The following GRIA3 variants were observed in gnomAD, a reference collection of about 807,000 sequenced individuals.
The protein encoded by GRIA3 is glutamate receptor 3.
GRIA3 carries 3 observed loss-of-function variants against 63.0 expected under a neutral mutation model. That is an observed-to-expected ratio of 0.05 (90% confidence interval 0.02 to 0.12). GRIA3 has a LOEUF of 0.12. Ranked by LOEUF, GRIA3 falls within the 10% of genes least tolerant of loss-of-function variation. GRIA3 has a pLI of 1.00. For synonymous variants in GRIA3, 274 were observed against 257.9 expected, an observed-to-expected ratio of 1.06 and a Z score of -0.60; for missense variants, 347 against 700.9, an observed-to-expected ratio of 0.50 and a Z score of 5.70.
At chrX:123,299,354 C>G in intron 3 of GRIA3, among the ~76,000 whole-genome samples, 1 of 111,645 alleles carries the variant, frequency 9.0e-6, no homozygotes, top group Admixed American at 9.5e-5. Flanking sequence ...TTCTTCCTAT[C>G]CATGAGTATG....
At chrX:123,422,895 C>T (rs961820156) in intron 11 of GRIA3, among the ~76,000 whole-genome samples, 2 of 112,432 alleles carry the variant, frequency 1.8e-5, no homozygotes, top group African/African-American at 6.5e-5. Context: ...CCTTCTTGAA[C>T]TTGCTTTTGT....
intron 3 of GRIA3, among the ~76,000 whole-genome samples, chrX:123,267,607 A>G (rs1022349131): frequency 2.7e-5 from 3 of 112,157 alleles, no homozygotes; most frequent in African/African-American, 9.7e-5. Flanking sequence ...AAGAAGGAAA[A>G]CTGCTTCAAA....
chrX:123,203,287 T>C (rs1203554642), intron 2 of GRIA3, among the ~76,000 whole-genome samples: 4 of 111,678 alleles, frequency 3.6e-5, no homozygotes, highest in Non-Finnish European at 7.5e-5. Flanking sequence ...TCAATACATG[T>C]AAGGGAAGCA....
At chrX:123,318,905 G>A (rs2044850191) in intron 3 of GRIA3, among the ~76,000 whole-genome samples, 3 of 111,953 alleles carry the variant, frequency 2.7e-5, no homozygotes, top group Non-Finnish European at 3.8e-5. Context: ...ACAAAAAGAC[G>A]TTTAATATGG....
intron 5 of GRIA3, among the ~76,000 whole-genome samples, chrX:123,371,763 G>A (rs760987878): frequency 9.0e-6 from 1 of 111,110 alleles, no homozygotes; most frequent in South Asian, 3.8e-4. Context: ...TTCCTTATAT[G>A]TTCTGATTAT....
chrX:123,381,476 C>A (rs1323774296), intron 5 of GRIA3, among the ~76,000 whole-genome samples: 1 of 111,774 alleles, frequency 8.9e-6, no homozygotes, highest in Non-Finnish European at 1.9e-5. Flanking sequence ...TTATAAGTGT[C>A]ATAACCATAA....
intron 12 of GRIA3, among the ~76,000 whole-genome samples, chrX:123,461,531 C>T (rs1317731775): frequency 8.9e-6 from 1 of 111,904 alleles, no homozygotes; most frequent in Non-Finnish European, 1.9e-5. Flanking sequence ...ATTTCAGTGA[C>T]CAGTGAATAG....
chrX:123,313,519 C>T (rs956109718), intron 3 of GRIA3, among the ~76,000 whole-genome samples: 12 of 111,565 alleles, frequency 1.1e-4, no homozygotes, highest in Non-Finnish European at 1.3e-4. Context: ...AGACACTTTT[C>T]ATCTTTGGCA....
At chrX:123,428,260 C>A in intron 12 of GRIA3, 121 bp downstream of exon 12, 1 of 542,137 alleles carries the variant, frequency 1.8e-6, no homozygotes. Flanking sequence ...CAAAGGAGAG[C>A]ATCTTAAATA....
chrX:123,350,408 A>G (rs1171002296), intron 4 of GRIA3, among the ~76,000 whole-genome samples: 1 of 111,567 alleles, frequency 9.0e-6, no homozygotes, highest in Non-Finnish European at 1.9e-5. Flanking sequence ...ACACTTCTCC[A>G]CACACATATT....
intron 3 of GRIA3, among the ~76,000 whole-genome samples, chrX:123,318,439 C>A: frequency 8.9e-6 from 1 of 112,301 alleles, no homozygotes; most frequent in Middle Eastern, 4.6e-3. Flanking sequence ...GTGCTTTTAA[C>A]AGCACCCAAG....
chrX:123,235,655 T>A (rs1270168887), intron 2 of GRIA3, among the ~76,000 whole-genome samples: 1 of 111,716 alleles, frequency 9.0e-6, no homozygotes, highest in Non-Finnish European at 1.9e-5. Flanking sequence ...ACTGGATAGA[T>A]GAAAGAGAAG....
chrX:123,284,335 C>T (rs2044604839), intron 3 of GRIA3, among the ~76,000 whole-genome samples: 1 of 111,657 alleles, frequency 9.0e-6, no homozygotes, highest in Non-Finnish European at 1.9e-5. Flanking sequence ...ACCAGAATGC[C>T]TCTTCAACTC....
At position 123,394,872 on chromosome X, in the gene GRIA3, G is replaced by A. The variant is rs1200501225; in HGVS notation, c.751-96G>A. Reference sequence around the variant, plus strand: ...CTTGATTGCTAATAAATGATCCTAGGGAAGGAGCTTTCACATTATCCTTAG... The same window carrying A: ...CTTGATTGCTAATAAATGATCCTAGAGAAGGAGCTTTCACATTATCCTTAG... On this transcript the variant is annotated intron_variant, in intron 5 of 15. Transcript: ENST00000620443. The A allele has an allele frequency of 9.7e-6, 6 of 617,631 alleles. No individual in the cohort carries two copies. The East Asian group carries it at 1.6e-4, about 17-fold the overall frequency. The allele number at this position is 617,631 out of a possible 1,213,427, so 50.9% of individuals were successfully genotyped here. A position where few individuals can be genotyped will look rare whatever the true frequency, so the allele number is the denominator to read the frequency against.
At chrX:123,285,796 T>C (rs1454337337) in intron 3 of GRIA3, among the ~76,000 whole-genome samples, 9 of 110,607 alleles carry the variant, frequency 8.1e-5, no homozygotes, top group African/African-American at 2.6e-4. Context: ...CAAAGAGACT[T>C]AGTCTCCCAC....
chrX:123,319,391 T>C (rs1190221817), intron 3 of GRIA3, among the ~76,000 whole-genome samples: 1 of 112,289 alleles, frequency 8.9e-6, no homozygotes, highest in Non-Finnish European at 1.9e-5. Flanking sequence ...AAGTGATCAA[T>C]GACTGCATTA....
intron 2 of GRIA3, among the ~76,000 whole-genome samples, chrX:123,198,943 C>T (rs1603020979): frequency 8.9e-6 from 1 of 111,879 alleles, no homozygotes; most frequent in Non-Finnish European, 1.9e-5. Context: ...ATCCTGCACT[C>T]AGACTAGGAA....
chrX:123,408,534 T>C (rs1451156475), intron 10 of GRIA3, among the ~76,000 whole-genome samples: 1 of 112,331 alleles, frequency 8.9e-6, no homozygotes, highest in Non-Finnish European at 1.9e-5. Context: ...TCCACATATC[T>C]CTTCCTCATT....
intron 2 of GRIA3, among the ~76,000 whole-genome samples, chrX:123,237,220 AC>A: frequency 8.9e-6 from 1 of 112,116 alleles, no homozygotes; most frequent in Non-Finnish European, 1.9e-5. Flanking sequence ...TAGAAAGACC[AC>A]TAGTCTAGGG....
Sources: gnomAD v4.1 joint callset for allele counts (sites outside exome capture counted in the v4.1 genomes callset) on GRCh38, gnomAD v4.1.1 for gene constraint, MANE v1.5 for transcripts, NCBI Gene and HGNC (gene_info 2026-07-23, HGNC 2026-07-21) for gene names.